ECI1: variants seen among roughly 807,000 people sequenced by gnomAD.
ECI1 encodes enoyl-CoA delta isomerase 1, also known as enoyl-CoA delta isomerase 1, mitochondrial.
Under a neutral mutation model 34.2 loss-of-function variants are expected in ECI1, and 34 were observed. That is an observed-to-expected ratio of 1.00 (90% CI 0.76 to 1.33). ECI1 has a LOEUF of 1.33. Ranked by LOEUF, ECI1 falls within the 40% of genes most tolerant of loss-of-function variation. The pLI, the probability that ECI1 is intolerant of heterozygous loss-of-function variation, is 0.00. For synonymous variants in ECI1, 211 were observed against 193.0 expected, an observed-to-expected ratio of 1.09 and a Z score of -0.77; for missense variants, 456 against 422.2, an observed-to-expected ratio of 1.08 and a Z score of -0.70.
intron 6 of ECI1, chr16:2,240,510 C>A: frequency 3.7e-6 from 1 of 271,362 alleles, no homozygotes; most frequent in South Asian, 4.1e-5. Context: ...CACGCCCGGC[C>A]CTAATTTTTT....
At chr16:2,242,804 G>A in intron 6 of ECI1, 1 of 568,882 alleles carries the variant, frequency 1.8e-6, no homozygotes, top group South Asian at 2.0e-5. Flanking sequence ...CTGGAACGCA[G>A]GGAGGAAGTG....
intron 2 of ECI1, among the ~76,000 whole-genome samples, chr16:2,250,806 C>T (rs1035605109): frequency 2.0e-5 from 3 of 152,068 alleles, no homozygotes; most frequent in African/African-American, 7.2e-5. Flanking sequence ...GCTCATATCC[C>T]CGCCAACTTT....
intron 6 of ECI1, chr16:2,242,728 C>T: frequency 9.0e-6 from 4 of 444,090 alleles, no homozygotes; most frequent in South Asian, 2.5e-5. Context: ...GAGATTAGAG[C>T]GAGGCGCCCA....
In ECI1 at chr16:2,239,932, G is replaced by T; in HGVS notation, c.*47C>A. The T allele has an allele frequency of 1.3e-6, 2 of 1,597,104 alleles. No homozygotes were observed. The highest frequency in any genetic ancestry group is 1.7e-6 in the Non-Finnish European group (2 of 1,165,232). On this transcript the variant is annotated 3_prime_UTR_variant, in exon 7 of 7. Transcript: ENST00000301729. ...AAATACCTTGTTTAAGACCTCCCTG[G>T]GACCCACAGGGGCACGTGTGGCCGT...
At position 2,251,425 on chromosome 16, in the gene ECI1, G is replaced by C. The variant is rs1161963259; in HGVS notation, c.57C>G (p.Ala19=). 10 of 1,431,030 alleles carry C rather than the reference G, an allele frequency of 7.0e-6. No homozygotes were observed. The East Asian group carries it at 3.1e-4, about 44-fold the overall frequency. 88.6% of individuals were successfully genotyped at this position (1,431,030 alleles called of 1,614,324 possible). A position where few individuals can be genotyped will look rare whatever the true frequency, so the allele number is the denominator to read the frequency against. The change falls in exon 2 of 7, where the codon GCC becomes GCG. Residue 19 remains alanine (A), a synonymous_variant. Transcript: ENST00000301729. ...GCCCGAGGGCCGCGCCCGGGAGCCGGGCCCCTGCGAAGGCAGCGTGGGGGA... is the reference window on the plus strand; with the variant it reads ...GCCCGAGGGCCGCGCCCGGGAGCCGCGCCCCTGCGAAGGCAGCGTGGGGGA... ...VPARVLLRAG[A]RLPGAALGRT...
chr16:2,246,765 G>T, intron 3 of ECI1, 94 bp downstream of exon 3: 1 of 1,585,682 alleles, frequency 6.3e-7, no homozygotes. Context: ...ACGTTGGCAG[G>T]CTCTGCCTCT....
chr16:2,244,775 C>T (rs899899647), intron 3 of ECI1, among the ~76,000 whole-genome samples: 17 of 152,340 alleles, frequency 1.1e-4, no homozygotes, highest in Admixed American at 6.5e-4. Flanking sequence ...TTCCCTTTCC[C>T]GCTTCAAACT....
chr16:2,247,089 GT>G, intron 2 of ECI1, 103 bp from the exon 3 acceptor site: 1 of 1,378,724 alleles, frequency 7.3e-7, no homozygotes, highest in Middle Eastern at 1.8e-4. Flanking sequence ...CATTTTGGGG[GT>G]TTTATTTATT....
In ECI1 at chr16:2,240,136, C is replaced by T. The variant is rs200865626; in HGVS notation, c.752G>A (p.Arg251Gln). ...TCGCATCATGGCCTTGGTCAGCTGT[C>T]GAGCATGGTCTAAAGAGAATGGGAC... ...AQWMAIPDHA[R>Q]QLTKAMMRKA... Residue 251 changes from arginine (R) to glutamine (Q), a missense_variant, in exon 7 of 7, where the codon CGA becomes CAA. Coordinates refer to ENST00000301729, the MANE Select transcript of ECI1 (RefSeq NM_001919.4). 38 of 1,613,712 alleles carry T rather than the reference C, an allele frequency of 2.4e-5. No individual in the cohort carries two copies. The highest frequency in any genetic ancestry group is 2.5e-5 in the Non-Finnish European group (29 of 1,180,024).
At chr16:2,251,067 G>A (rs887750203) in intron 2 of ECI1, among the ~76,000 whole-genome samples, 3 of 152,198 alleles carry the variant, frequency 2.0e-5, no homozygotes, top group Non-Finnish European at 4.4e-5. Flanking sequence ...TGATCCGCCC[G>A]CCTCTGCCTC....
At chr16:2,248,138 C>G (rs2093544746) in intron 2 of ECI1, among the ~76,000 whole-genome samples, 1 of 152,100 alleles carries the variant, frequency 6.6e-6, no homozygotes, top group African/African-American at 2.4e-5. Flanking sequence ...CGCTCGTCGC[C>G]CAGGCTGGAG....
In ECI1 at chr16:2,240,094, C is replaced by T. The variant is rs375896338; in HGVS notation, c.794G>A (p.Arg265His). The part of the protein sequence containing the change: ...KAMMRKATAS[R>H]LVTQRDADVQ... ...GTCCGCATCGCGCTGCGTGACCAGGCGGCTGGCCGTGGCCTTTCGCATCAT... is the reference window on the plus strand; with the variant it reads ...GTCCGCATCGCGCTGCGTGACCAGGTGGCTGGCCGTGGCCTTTCGCATCAT... The change falls in exon 7 of 7, where the codon CGC becomes CAC. Residue 265 changes from arginine (R) to histidine (H), a missense_variant. By Grantham distance (29) the Arg-to-His change is conservative. Transcript: ENST00000301729. 7.1e-5 allele frequency: 115 copies of T among 1,613,794 alleles called. No homozygotes were observed. The highest frequency in any genetic ancestry group is 3.3e-4 in the Middle Eastern group (2 of 6,084).
intron 3 of ECI1, 33 bp from the exon 4 acceptor site, chr16:2,244,585 G>C (rs747764348): frequency 4.5e-6 from 7 of 1,562,186 alleles, no homozygotes; most frequent in Non-Finnish European, 6.1e-6. Flanking sequence ...ATGCCCATCA[G>C]AGTCCACCTC....
intron 3 of ECI1, among the ~76,000 whole-genome samples, chr16:2,246,007 C>T (rs1052765697): frequency 2.0e-5 from 3 of 152,082 alleles, no homozygotes; most frequent in South Asian, 2.1e-4. Context: ...TTTGGGAGGC[C>T]GAGGTGGGCA....
Position 2,251,585 on chromosome 16 carries a change from G to T in ECI1, c.-19C>A, listed in dbSNP as rs182577651. 2.0e-5 allele frequency: 31 copies of T among 1,550,892 alleles called. No individual in the cohort carries two copies. In the East Asian group the frequency reaches 7.5e-4, roughly 38 times the overall value. On this transcript the variant is annotated 5_prime_UTR_variant, in exon 1 of 7. Transcript: ENST00000301729. ...GCGCCATCTTGACCGCAACGCGCGG[G>T]ATAAAGGTCGCGGGCTGAGCTCGCC...
Position 2,243,019 on chromosome 16 carries a change from G to A in ECI1, c.742+27C>T, listed in dbSNP as rs369323800. ...ACCTTCTGGTCTCCCCAGCATCATC[G>A]GGCGCCCGCCATGCCCCGTGCCTCA... On this transcript the variant is annotated intron_variant, in intron 6 of 6. Coordinates refer to ENST00000301729, the MANE Select transcript of ECI1 (RefSeq NM_001919.4). The A allele has an allele frequency of 8.2e-6, 13 of 1,584,590 alleles. No individual in the cohort carries two copies. In the African/African-American group the frequency reaches 9.4e-5, roughly 11 times the overall value.
chr16:2,250,311 T>TG (rs2093550359), intron 2 of ECI1, among the ~76,000 whole-genome samples: 1 of 150,456 alleles, frequency 6.6e-6, no homozygotes, highest in Non-Finnish European at 1.5e-5. Flanking sequence ...GGTCTTAGTT[T>TG]GTCCCTCTCA....
At position 2,244,548 on chromosome 16, in the gene ECI1, C is replaced by T. The variant is rs145543160; in HGVS notation, c.299G>A (p.Arg100His). 2.3e-3 allele frequency: 3,625 copies of T among 1,584,068 alleles called. 8 individuals carry two copies. The highest frequency in any genetic ancestry group is 2.7e-3 in the Non-Finnish European group (3,201 of 1,165,682). Reference sequence around the variant, plus strand: ...CAGGCCGGCCGAGAAGACACCCGGGCGGTCCTGCAGGGGGAGCCGGGGCCA... The same window carrying T: ...CAGGCCGGCCGAGAAGACACCCGGGTGGTCCTGCAGGGGGAGCCGGGGCCA... ...SFRGVILTSD[R>H]PGVFSAGLDL... The change falls in exon 4 of 7, where the codon CGC becomes CAC. Residue 100 changes from arginine to histidine, a missense_variant. Physicochemically the swap from Arg to His is conservative, Grantham distance 29. Transcript: ENST00000301729.
rs540281768 is a variant in ECI1 at position 2,244,245 on chromosome 16, C to A, written c.441+161G>T. ...CACCCGAGGCCCACCTTTCTCAACA[C>A]GCCCCGTGGTCTGCGATGGCGCTCA... On this transcript the variant is annotated intron_variant, in intron 4 of 6. Transcript: ENST00000301729. 31 of 854,676 alleles carry A rather than the reference C, an allele frequency of 3.6e-5. 1 individual carries two copies. The Admixed American group carries it at 4.0e-4, about 11-fold the overall frequency. The allele number at this position is 854,676 out of a possible 1,614,324, so 52.9% of individuals were successfully genotyped here.
Sources: gnomAD v4.1 joint callset for allele counts (sites outside exome capture counted in the v4.1 genomes callset) on GRCh38, gnomAD v4.1.1 for gene constraint, MANE v1.5 for transcripts, NCBI Gene and HGNC (gene_info 2026-07-23, HGNC 2026-07-21) for gene names.